The following KRT84 variants were observed in gnomAD, a reference collection of about 807,000 sequenced individuals.
KRT84 encodes keratin 84.
A neutral mutation model predicts 49.0 loss-of-function variants in KRT84; 38 were observed. The ratio of observed to expected loss-of-function variants is 0.78; its 90% CI spans 0.60 to 1.02. The LOEUF (loss-of-function observed/expected upper bound fraction) is 1.02, where lower values mean the gene tolerates loss of function less well. Ranked by LOEUF, KRT84 falls within the 50% of genes least tolerant of loss-of-function variation. The pLI, the probability that KRT84 is intolerant of heterozygous loss-of-function variation, is 0.00. For missense variants in KRT84, 860 were observed against 788.6 expected (o/e 1.09, Z -1.08); for synonymous variants, 334 against 312.8 (o/e 1.07, Z -0.72).
chr12:52,383,553 G>GC (rs1565776349), intron 2 of KRT84, 37 bp downstream of exon 2: 1 of 1,575,944 alleles, frequency 6.3e-7, no homozygotes, highest in African/African-American at 1.4e-5. Flanking sequence ...GCCAGGCCTG[G>GC]CCTGTCACTG....
rs1203857197 is a variant in KRT84 at position 52,380,409 on chromosome 12, T to A, written c.1378A>T (p.Ile460Phe). ...ELMNAKLGLD[I>F]EIATYRRLLE... ...AGGCGCCTGTAGGTGGCGATCTCGA[T>A]GTCCAGGCCCAGCTTGGCATTCATC... is the stretch of plus-strand genomic sequence containing the variant. Residue 460 changes from isoleucine to phenylalanine, a missense_variant, in exon 7 of 9, where the codon ATC (isoleucine) becomes TTC (phenylalanine). Coordinates refer to ENST00000257951, the MANE Select transcript of KRT84 (RefSeq NM_033045.4). The A allele has an allele frequency of 6.2e-7, 1 of 1,614,096 alleles. No individual in the cohort carries two copies. The highest frequency in any genetic ancestry group is 1.3e-5 in the African/African-American group (1 of 74,948).
chr12:52,379,636 C>T (rs754072314), intron 8 of KRT84, among the ~76,000 whole-genome samples: 1 of 152,220 alleles, frequency 6.6e-6, no homozygotes, highest in Non-Finnish European at 1.5e-5. Flanking sequence ...TGGCTGTCCT[C>T]CACTTTGGAG....
In KRT84 at chr12:52,383,607, T is replaced by C; in HGVS notation, c.738A>G (p.Leu246=). ...QAERNHLQDV[L]EGFKKKYEEE... Reference sequence around the variant, plus strand: ...TCACTCACTTCTTCTTGAAGCCCTCTAGGACATCCTGCAGGTGGTTCCTCT... The same window carrying C: ...TCACTCACTTCTTCTTGAAGCCCTCCAGGACATCCTGCAGGTGGTTCCTCT... The change falls in exon 2 of 9, where the codon CTA becomes CTG. Residue 246 remains leucine, a synonymous_variant. Coordinates refer to ENST00000257951, the MANE Select transcript of KRT84 (RefSeq NM_033045.4). The C allele has an allele frequency of 6.2e-7, 1 of 1,613,152 alleles. No individual in the cohort carries two copies. Among genetic ancestry groups the C allele is most frequent in the East Asian group, 2.2e-5 (1 of 44,872 alleles).
upstream of KRT84, among the ~76,000 whole-genome samples, chr12:52,386,474 C>T (rs373983345): frequency 1.1e-4 from 17 of 150,932 alleles, no homozygotes; most frequent in Middle Eastern, 3.4e-3. Flanking sequence ...CTCCCGCCTC[C>T]GCCTCCCAGA....
chr12:52,383,853 T>G (rs528398201), intron 1 of KRT84, 55 bp from the exon 2 acceptor site: 381 of 1,441,274 alleles, frequency 2.6e-4, no homozygotes, highest in South Asian at 4.8e-4. Flanking sequence ...GGTTCATGCC[T>G]TGACCAAGCT....
chr12:52,379,996 G>C (rs1592146621), intron 7 of KRT84, 89 bp from the exon 8 acceptor site: 2 of 1,135,458 alleles, frequency 1.8e-6, no homozygotes, highest in East Asian at 4.9e-5. Flanking sequence ...TGTTTGAGTA[G>C]ATCTGTGGAG....
rs374264728 is a variant in KRT84, at chr12:52,385,480, C to A, written c.106G>T (p.Val36Phe). Residue 36 changes from valine to phenylalanine, a missense_variant, in exon 1 of 9, where the codon GTC (valine) becomes TTC (phenylalanine). Transcript: ENST00000257951. ...QNLNRFRANS[V>F]SCWSGPGFRG... ...AATCCAGGCCCACTCCAACAGGAGA[C>A]AGAGTTGGCCCGGAAGCGATTCAGG... 32 of 1,614,116 alleles carry A rather than the reference C, an allele frequency of 2.0e-5. No homozygotes were observed. In the African/African-American group the frequency reaches 4.0e-4, roughly 20 times the overall value.
intron 4 of KRT84, 101 bp from the exon 5 acceptor site, chr12:52,381,626 A>G: frequency 8.7e-7 from 1 of 1,148,618 alleles, no homozygotes. Context: ...GGCAGAGAGC[A>G]TCACTCATTG....
chr12:52,385,757 T>C (rs984548505), upstream of KRT84: 1 of 658,876 alleles, frequency 1.5e-6, no homozygotes, highest in Non-Finnish European at 2.6e-6. Context: ...GCTTGGGTAG[T>C]TAGCAGAAAC....
At position 52,381,509 on chromosome 12, in the gene KRT84, T is replaced by G; in HGVS notation, c.929A>C (p.Gln310Pro). 3 of 1,614,092 alleles carry G rather than the reference T, an allele frequency of 1.9e-6. No individual in the cohort carries two copies. The highest frequency in any genetic ancestry group is 2.5e-6 in the Non-Finnish European group (3 of 1,180,012). Residue 310 changes from glutamine (Q) to proline (P), a missense_variant, in exon 5 of 9, where the codon CAG becomes CCG. Gln to Pro is a moderately conservative substitution (Grantham distance 76). Transcript: ENST00000257951. ...TLYMEEIQLL[Q>P]SHISETSVIV... ...GACCGACGTCTCTGAGATGTGCGAC[T>G]GCAGCAACTGGATTTCCTGTGTTGG...
chr12:52,383,148 T>C (rs955315151), intron 2 of KRT84, 83 bp from the exon 3 acceptor site: 2 of 1,115,954 alleles, frequency 1.8e-6, no homozygotes, highest in African/African-American at 1.5e-5. Context: ...CCTTGCAAGA[T>C]CTCTCAGTCT....
upstream of KRT84, among the ~76,000 whole-genome samples, chr12:52,386,393 ATTT>A (rs141601326): frequency 1.4e-5 from 2 of 138,650 alleles, no homozygotes; most frequent in Admixed American, 7.3e-5. Context: ...TTTATCTTAA[ATTT>A]TTTTTTTTTT....
At chr12:52,386,632 A>G (rs1461500361), upstream of KRT84, among the ~76,000 whole-genome samples, 1 of 152,060 alleles carries the variant, frequency 6.6e-6, no homozygotes, top group East Asian at 1.9e-4. Context: ...TTAGCCCCCA[A>G]ATATACCATA....
chr12:52,385,135 T>C lies in KRT84; in HGVS notation c.451A>G (p.Asn151Asp), dbSNP rs1939551056. The C allele has an allele frequency of 6.3e-7, 1 of 1,598,624 alleles. No homozygotes were observed. The highest frequency in any genetic ancestry group is 1.1e-5 in the South Asian group (1 of 87,974). The change falls in exon 1 of 9, where the codon AAC becomes GAC. Residue 151 changes from asparagine to aspartate, a missense_variant. Coordinates refer to ENST00000257951, the MANE Select transcript of KRT84 (RefSeq NM_033045.4). ...TVNKSLLTPL[N>D]LEIDPNAQRV... The stretch of plus-strand genomic sequence containing the variant: ...TGGGCATTGGGGTCAATCTCCAGGT[T>C]GAGGGGGGTCAGTAGGCTCTTGTTC...
chr12:52,378,239 C>G lies in KRT84; in HGVS notation c.1598G>C (p.Ser533Thr). ...CGGGGCGACCCGGGCTCCACCCAGG[C>G]TGGGGCCACAGGAAGCCAGGACCCC... ...TSGVLASCGP[S>T]LGGARVAPAT... The change falls in exon 9 of 9, where the codon AGC (serine) becomes ACC (threonine). Residue 533 changes from serine (S) to threonine (T), a missense_variant. Coordinates refer to ENST00000257951, the MANE Select transcript of KRT84 (RefSeq NM_033045.4). The G allele has an allele frequency of 6.4e-7, 1 of 1,564,828 alleles. No individual in the cohort carries two copies. The highest frequency in any genetic ancestry group is 1.2e-5 in the South Asian group (1 of 85,050).
chr12:52,383,805 C>A lies in KRT84; in HGVS notation c.547-7G>T. On this transcript the variant is annotated splice_polypyrimidine_tract_variant and splice_region_variant and intron_variant, in intron 1 of 8. Transcript: ENST00000257951. ...GCTGCTCTAGGAACCGAACCTAAAT[C>A]CACAGGGCACAGAAATGGCATTTGA... The A allele has an allele frequency of 1.2e-6, 2 of 1,609,066 alleles. No individual in the cohort carries two copies. The highest frequency in any genetic ancestry group is 8.5e-7 in the Non-Finnish European group (1 of 1,176,654).
rs142429869 is a variant in KRT84, at chr12:52,385,526, A to G, written c.60T>C (p.Cys20=). ...SGHRVGNFSS[C]SAMTPQNLNR... Reference sequence around the variant, plus strand: ...TCAGGTTCTGTGGTGTCATTGCTGAACAAGAGCTGAAGTTGCCCACCCGGT... The same window carrying G: ...TCAGGTTCTGTGGTGTCATTGCTGAGCAAGAGCTGAAGTTGCCCACCCGGT... Residue 20 remains cysteine, a synonymous_variant, in exon 1 of 9, where the codon TGT becomes TGC. Coordinates refer to ENST00000257951, the MANE Select transcript of KRT84 (RefSeq NM_033045.4). The G allele has an allele frequency of 1.1e-5, 18 of 1,614,074 alleles. No individual in the cohort carries two copies. Among genetic ancestry groups the G allele is most frequent in the Non-Finnish European group, 1.4e-5 (17 of 1,180,054 alleles).
chr12:52,382,557 T>C, intron 3 of KRT84, 25 bp from the exon 4 acceptor site: 1 of 1,576,142 alleles, frequency 6.3e-7, no homozygotes, highest in Non-Finnish European at 8.7e-7. Flanking sequence ...GAAGGATAAA[T>C]ACTCATCGCC....
chr12:52,380,786 C>T (rs1939468845), intron 6 of KRT84, among the ~76,000 whole-genome samples: 1 of 152,234 alleles, frequency 6.6e-6, no homozygotes, highest in African/African-American at 2.4e-5. Flanking sequence ...TCCATCCCCA[C>T]TGACTTTGTC....
Sources: allele counts gnomAD v4.1 joint callset (sites outside exome capture counted in the v4.1 genomes callset), GRCh38; gene constraint gnomAD v4.1.1; transcripts MANE v1.5; gene names NCBI Gene and HGNC (gene_info 2026-07-23, HGNC 2026-07-21).